ECHDC2: variants seen among roughly 807,000 people sequenced by gnomAD.
The protein encoded by ECHDC2 is enoyl-CoA hydratase domain-containing protein 2, mitochondrial.
A neutral mutation model predicts 40.6 loss-of-function variants in ECHDC2; 34 were observed. The observed-to-expected ratio is 0.84, with a 90% CI of 0.64 to 1.11. ECHDC2 has a LOEUF of 1.11. Ranked by LOEUF, ECHDC2 falls within the 50% of genes most tolerant of loss-of-function variation. The pLI, the probability that ECHDC2 is intolerant of heterozygous loss-of-function variation, is 0.00. For missense variants in ECHDC2, 392 were observed against 400.7 expected (o/e 0.98, Z 0.19); for synonymous variants, 162 against 166.6 (o/e 0.97, Z 0.21).
At chr1:52,900,699 G>A (rs1646934086) in intron 7 of ECHDC2, 1 of 152,192 alleles carries the variant, frequency 6.6e-6, no homozygotes, top group South Asian at 2.1e-4. Flanking sequence ...TGTGACTGAA[G>A]GGTTACTGGG....
chr1:52,896,572 T>C lies in ECHDC2; in HGVS notation c.827A>G (p.Glu276Gly). 2 of 1,614,130 alleles carry C rather than the reference T, an allele frequency of 1.2e-6. No homozygotes were observed. The highest frequency in any genetic ancestry group is 1.7e-6 in the Non-Finnish European group (2 of 1,180,004). ...CTTCTCCCTGAAGGCTGCCATGCCC[T>C]CTAGCCGGTCCCGGGTTGGAATATT... is the stretch of plus-strand genomic sequence containing the variant. ...AQNIPTRDRL[E>G]GMAAFREKRT... The change falls in exon 10 of 10, where the codon GAG (glutamate) becomes GGG (glycine). Residue 276 changes from glutamate to glycine, a missense_variant. By Grantham distance (98) the Glu-to-Gly change is moderately conservative. Transcript: ENST00000371522.
At chr1:52,908,929 CAAAA>C (rs34090739) in intron 3 of ECHDC2, among the ~76,000 whole-genome samples, 2,884 of 43,976 alleles carry the variant, frequency 0.066, 126 homozygotes, top group African/African-American at 0.17. Flanking sequence ...GACAGAGTCT[CAAAA>C]AAAAAAAAAA....
chr1:52,896,972 C>T (rs2150030712), intron 9 of ECHDC2: 1 of 295,050 alleles, frequency 3.4e-6, no homozygotes, highest in Non-Finnish European at 6.4e-6. Flanking sequence ...TCCCAGGACC[C>T]CTTAGGAGTA....
intron 4 of ECHDC2, 199 bp downstream of exon 4, chr1:52,907,669 C>T: frequency 5.4e-6 from 3 of 551,898 alleles, no homozygotes; most frequent in Admixed American, 3.3e-5. Flanking sequence ...GGGCGGGACA[C>T]AAAAGCTGAA....
At chr1:52,897,575 T>C in intron 8 of ECHDC2, 91 bp from the exon 9 acceptor site, 1 of 1,224,032 alleles carries the variant, frequency 8.2e-7, no homozygotes, top group Non-Finnish European at 1.2e-6. Context: ...TACAGACATC[T>C]ATATGAGCAG....
Position 52,911,698 on chromosome 1 carries a change from C to T in ECHDC2, c.189+25G>A, listed in dbSNP as rs1306881312. On this transcript the variant is annotated intron_variant, in intron 2 of 9. Transcript: ENST00000371522. ...AGATAGTGCCAGCCCATCCCCAGCC[C>T]ACCCTGGCGCCCGCCCTTTCTTACC... 1.9e-6 allele frequency: 3 copies of T among 1,614,100 alleles called. No homozygotes were observed. In the East Asian group the frequency reaches 6.7e-5, roughly 36 times the overall value.
In ECHDC2 at chr1:52,905,024, T is replaced by C. The variant is rs1294794904; in HGVS notation, c.514+10A>G. 1.2e-6 allele frequency: 2 copies of C among 1,614,098 alleles called. No homozygotes were observed. The highest frequency in any genetic ancestry group is 1.3e-5 in the African/African-American group (1 of 74,926). ...GGGTGGAATTGGGCGGGTGCTGTAGTTGCGATTACCTGCCCCCGGGAGGAG... is the reference window on the plus strand; with the variant it reads ...GGGTGGAATTGGGCGGGTGCTGTAGCTGCGATTACCTGCCCCCGGGAGGAG... On this transcript the variant is annotated intron_variant, in intron 6 of 9. Coordinates refer to ENST00000371522, the MANE Select transcript of ECHDC2 (RefSeq NM_001198961.2).
chr1:52,918,058 A>C (rs1295672666), intron 1 of ECHDC2, among the ~76,000 whole-genome samples: 1 of 152,072 alleles, frequency 6.6e-6, no homozygotes, highest in Non-Finnish European at 1.5e-5. Context: ...TGGGTTAAAC[A>C]CCTTTGGGCT....
chr1:52,912,324 C>G (rs1197801967), intron 1 of ECHDC2: 1 of 155,052 alleles, frequency 6.4e-6, no homozygotes, highest in African/African-American at 2.4e-5. Context: ...TCTCCTCCCT[C>G]AACCCCCAAA....
chr1:52,903,721 C>T (rs1316007938), intron 7 of ECHDC2, among the ~76,000 whole-genome samples: 2 of 151,864 alleles, frequency 1.3e-5, no homozygotes, highest in Non-Finnish European at 2.9e-5. Context: ...GCCATGATTG[C>T]ACCACTGCAC....
intron 1 of ECHDC2, among the ~76,000 whole-genome samples, chr1:52,917,231 A>G (rs1650902149): frequency 6.6e-6 from 1 of 151,918 alleles, no homozygotes; most frequent in Non-Finnish European, 1.5e-5. Context: ...AAGAAAAAAA[A>G]AAAAAAAGAA....
chr1:52,904,750 C>T lies in ECHDC2; in HGVS notation c.598G>A (p.Glu200Lys). 6.2e-7 allele frequency: 1 copy of T among 1,613,022 alleles called. No individual in the cohort carries two copies. Among genetic ancestry groups the T allele is most frequent in the Non-Finnish European group, 8.5e-7 (1 of 1,180,008 alleles). The change falls in exon 7 of 10, where the codon GAG becomes AAG. Residue 200 changes from glutamate to lysine, a missense_variant. Glu to Lys is a moderately conservative substitution (Grantham distance 56). Coordinates refer to ENST00000371522, the MANE Select transcript of ECHDC2 (RefSeq NM_001198961.2). ...IFTGRRLSGT[E>K]AHVLGLVNHA... ...TTCACCAGCCCCAGTACGTGGGCCT[C>T]AGTTCCACTCAGTCGTCGGCCCGTG...
chr1:52,912,298 C>G (rs1407808006), intron 1 of ECHDC2: 1 of 155,880 alleles, frequency 6.4e-6, no homozygotes, highest in African/African-American at 2.4e-5. Context: ...GCCTCAACCT[C>G]CTGGGCTCAA....
chr1:52,912,347 A>G (rs1023132024), intron 1 of ECHDC2: 1 of 154,776 alleles, frequency 6.5e-6, no homozygotes, highest in Non-Finnish European at 1.4e-5. Flanking sequence ...AGCTGGGACT[A>G]TAAGCATGCG....
chr1:52,906,637 C>T, intron 4 of ECHDC2, 26 bp from the exon 5 acceptor site: 1 of 1,575,554 alleles, frequency 6.3e-7, no homozygotes, highest in Non-Finnish European at 8.6e-7. Flanking sequence ...AAGGCTCAGC[C>T]TGCAAAGCCC....
intron 9 of ECHDC2, chr1:52,897,235 A>G (rs960631587): frequency 8.1e-6 from 5 of 616,644 alleles, no homozygotes; most frequent in African/African-American, 3.7e-5. Flanking sequence ...ACCCCAGTAC[A>G]TTAGATGGTT....
intron 8 of ECHDC2, 70 bp from the exon 9 acceptor site, chr1:52,897,554 AC>A: frequency 6.8e-7 from 1 of 1,472,226 alleles, no homozygotes; most frequent in Admixed American, 1.7e-5. Context: ...AAGCCAGCCC[AC>A]CCTATTGCCT....
At position 52,906,525 on chromosome 1, in the gene ECHDC2, C is replaced by G. The variant is rs560940722; in HGVS notation, c.451G>C (p.Val151Leu). The part of the protein sequence containing the change: ...LELALACDLR[V>L]AASSAVMGLI... ...CCCAGTCCTGGCCCAGTACCTGCCA[C>G]TCGGAGGTCACAGGCCAGGGCAAGC... The change falls in exon 5 of 10, where the codon GTG becomes CTG. Residue 151 changes from valine to leucine, a missense_variant. Transcript: ENST00000371522. 14 of 1,611,352 alleles carry G rather than the reference C, an allele frequency of 8.7e-6. No homozygotes were observed. In the South Asian group the frequency reaches 1.4e-4, roughly 17 times the overall value.
At chr1:52,915,579 G>A (rs757826962) in intron 1 of ECHDC2, among the ~76,000 whole-genome samples, 1 of 152,126 alleles carries the variant, frequency 6.6e-6, no homozygotes, top group Non-Finnish European at 1.5e-5. Context: ...GAGAGAAAAT[G>A]GGGCAACTCT....
Sources: gnomAD v4.1 joint callset for allele counts (sites outside exome capture counted in the v4.1 genomes callset) on GRCh38, gnomAD v4.1.1 for gene constraint, MANE v1.5 for transcripts, NCBI Gene and HGNC (gene_info 2026-07-23, HGNC 2026-07-21) for gene names.